PLD5: variants seen among roughly 807,000 people sequenced by gnomAD.
PLD5 encodes the protein phospholipase D family member 5.
A neutral mutation model predicts 61.1 loss-of-function variants in PLD5; 36 were observed. That is an observed-to-expected ratio of 0.59 (90% CI 0.45 to 0.78). The LOEUF (loss-of-function observed/expected upper bound fraction) is 0.78, where lower values mean the gene tolerates loss of function less well. Among genes scored for constraint, PLD5 ranks in the 30% least tolerant of loss-of-function variants. The pLI is 0.00. For synonymous variants in PLD5, 243 were observed against 242.8 expected (o/e 1.00, Z -0.01); for missense variants, 515 against 644.4 (o/e 0.80, Z 2.17).
intron 1 of PLD5, among the ~76,000 whole-genome samples, chr1:242,385,036 C>G (rs925550378): frequency 6.6e-6 from 1 of 152,190 alleles, no homozygotes; most frequent in Admixed American, 6.5e-5. Context: ...TCAACAACCA[C>G]TGGAACATGT....
intron 1 of PLD5, among the ~76,000 whole-genome samples, chr1:242,463,885 T>C (rs956434606): frequency 6.6e-6 from 1 of 152,100 alleles, no homozygotes; most frequent in Non-Finnish European, 1.5e-5. Flanking sequence ...ATTCTCCCCA[T>C]ATTCTCCACC....
At chr1:242,254,341 T>C (rs1205164052) in intron 4 of PLD5, among the ~76,000 whole-genome samples, 1 of 105,750 alleles carries the variant, frequency 9.5e-6, no homozygotes, top group Admixed American at 1.2e-4. Context: ...ATTATCCTCA[T>C]TTAACTGAAA....
intron 1 of PLD5, among the ~76,000 whole-genome samples, chr1:242,451,301 C>A (rs1253240388): frequency 6.6e-6 from 1 of 152,130 alleles, no homozygotes; most frequent in Non-Finnish European, 1.5e-5. Flanking sequence ...AGCAATTTAT[C>A]TTCTCTATGA....
At chr1:242,394,778 GTGTATATATGTGAATATATA>G in intron 1 of PLD5, among the ~76,000 whole-genome samples, 2 of 69,018 alleles carry the variant, frequency 2.9e-5, no homozygotes, top group Non-Finnish European at 5.5e-5. Flanking sequence ...GAATATATAT[GTGTATATATGTGAATATATA>G]TGTGTATATA....
chr1:242,354,827 T>A (rs558501223), intron 1 of PLD5, among the ~76,000 whole-genome samples: 1 of 151,528 alleles, frequency 6.6e-6, no homozygotes, highest in African/African-American at 2.4e-5. Context: ...TTTTTTTTTT[T>A]ACCATGAAAG....
chr1:242,403,468 CT>C (rs199559256), intron 1 of PLD5, among the ~76,000 whole-genome samples: 17,581 of 138,896 alleles, frequency 0.13, 1,200 homozygotes, highest in East Asian at 0.2. Context: ...CTTGGATAGG[CT>C]TTTTTTTTTT....
intron 2 of PLD5, among the ~76,000 whole-genome samples, chr1:242,335,234 T>C (rs1407838811): frequency 6.6e-6 from 1 of 152,090 alleles, no homozygotes; most frequent in East Asian, 1.9e-4. Flanking sequence ...GGGTAGATTA[T>C]TTAATAATGT....
intron 1 of PLD5, among the ~76,000 whole-genome samples, chr1:242,501,587 C>T (rs576034681): frequency 6.6e-6 from 1 of 152,202 alleles, no homozygotes; most frequent in African/African-American, 2.4e-5. Context: ...AAAACTAAAC[C>T]TATTTACATT....
intron 1 of PLD5, among the ~76,000 whole-genome samples, chr1:242,430,629 G>A (rs1665666391): frequency 6.6e-6 from 1 of 152,058 alleles, no homozygotes; most frequent in Non-Finnish European, 1.5e-5. Context: ...GTTTCCCTAT[G>A]TTGGCTATCT....
intron 5 of PLD5, among the ~76,000 whole-genome samples, chr1:242,199,310 A>G (rs1668837222): frequency 6.6e-6 from 1 of 152,176 alleles, no homozygotes; most frequent in African/African-American, 2.4e-5. Flanking sequence ...GCTGGAGTGC[A>G]GTGGCGCAAT....
Position 242,124,675 on chromosome 1 carries a change from T to C in PLD5, c.736-10A>G, listed in dbSNP as rs201173621. The C allele has an allele frequency of 1.6e-3, 2,634 of 1,608,236 alleles. 5 individuals are homozygous for C. The highest frequency in any genetic ancestry group is 2.0e-3 in the Non-Finnish European group (2,336 of 1,176,132). ...CACCGAGTTCTTTCATCTGTGAAAT[T>C]AAAATTGAAAGCATCAATGCCATGT... On this transcript the variant is annotated splice_polypyrimidine_tract_variant and intron_variant, in intron 5 of 9. Coordinates refer to ENST00000536534, the MANE Select transcript of PLD5 (RefSeq NM_001372062.1).
chr1:242,515,355 G>T (rs1326521511), intron 1 of PLD5, among the ~76,000 whole-genome samples: 1 of 152,190 alleles, frequency 6.6e-6, no homozygotes, highest in East Asian at 1.9e-4. Context: ...TCGGATTACA[G>T]GCATGTGCCA....
At chr1:242,252,148 T>TA (rs1016465630) in intron 4 of PLD5, among the ~76,000 whole-genome samples, 21 of 151,988 alleles carry the variant, frequency 1.4e-4, no homozygotes, top group African/African-American at 3.1e-4. Context: ...GGAAATGAGC[T>TA]AAAAAAATAG....
rs1188466801 is a variant in PLD5, at chr1:242,438,724, G to A, written c.189+85364C>T. On this transcript the variant is annotated intron_variant, in intron 1 of 9. Transcript: ENST00000536534. ...ATTACAGGCGTGAGCCACCGCACCC[G>A]GCCTTTTGGAATTTTTAACCATTTG... 5.9e-5 allele frequency among the ~76,000 whole-genome samples: 9 copies of A among 152,170 alleles called. No homozygotes were observed. In the South Asian group the frequency reaches 1.5e-3, roughly 25 times the overall value.
At chr1:242,307,510 G>A (rs902952939) in intron 2 of PLD5, among the ~76,000 whole-genome samples, 2 of 152,092 alleles carry the variant, frequency 1.3e-5, no homozygotes, top group African/African-American at 4.8e-5. Flanking sequence ...TGAGGTTTGG[G>A]CAACTGTGTC....
At chr1:242,197,476 T>C (rs1322571501) in intron 5 of PLD5, among the ~76,000 whole-genome samples, 1 of 152,156 alleles carries the variant, frequency 6.6e-6, no homozygotes, top group Admixed American at 6.5e-5. Context: ...GACTGCCTTT[T>C]CTCTGAACCA....
intron 1 of PLD5, among the ~76,000 whole-genome samples, chr1:242,406,625 C>A (rs964986676): frequency 1.3e-5 from 2 of 152,188 alleles, no homozygotes; most frequent in Non-Finnish European, 2.9e-5. Context: ...TGCAGAGAAA[C>A]CAGCTCTGAC....
chr1:242,417,494 A>G (rs73133710), intron 1 of PLD5, among the ~76,000 whole-genome samples: 5,712 of 152,294 alleles, frequency 0.038, 387 homozygotes, highest in African/African-American at 0.13. Context: ...TTAAAAGTGG[A>G]TATAAATATG....
At chr1:242,481,159 A>C (rs1288487390) in intron 1 of PLD5, among the ~76,000 whole-genome samples, 1 of 152,194 alleles carries the variant, frequency 6.6e-6, no homozygotes, top group Non-Finnish European at 1.5e-5. Flanking sequence ...TGATTTCTGC[A>C]TTTCCAACTG....
Sources: gnomAD v4.1 joint callset for allele counts (sites outside exome capture counted in the v4.1 genomes callset) on GRCh38, gnomAD v4.1.1 for gene constraint, MANE v1.5 for transcripts, NCBI Gene and HGNC (gene_info 2026-07-23, HGNC 2026-07-21) for gene names.